Variants in PDGFA observed in about 807,000 individuals in gnomAD.
PDGFA encodes platelet-derived growth factor subunit A.
Under a neutral mutation model 25.6 loss-of-function variants are expected in PDGFA, and 9 were observed. That is an observed-to-expected ratio of 0.35 (90% CI 0.21 to 0.61). The LOEUF is 0.61. PDGFA is among the 20% of genes least tolerant of loss of function. PDGFA has a pLI of 0.75. For missense variants in PDGFA, 242 were observed against 272.8 expected, an observed-to-expected ratio of 0.89 and a Z score of 0.79; for synonymous variants, 133 against 111.8, an observed-to-expected ratio of 1.19 and a Z score of -1.20.
Position 502,768 on chromosome 7 carries a change from TCACA to T in PDGFA, c.454-1530_454-1527del, listed in dbSNP as rs71016866. Among the ~76,000 whole-genome samples the T allele has an allele frequency of 7.3e-3, 920 of 126,090 alleles. 9 individuals are homozygous for T. The highest frequency in any genetic ancestry group is 0.016 in the African/African-American group (541 of 33,716). The allele number at this position is 126,090 out of a possible 152,430, so 82.7% of individuals were successfully genotyped here. Reference sequence around the variant, plus strand: ...GGCATTCAACAAGAGAGGCAAGAAATCACACACACACACACACACACACACACAC... The same window carrying T: ...GGCATTCAACAAGAGAGGCAAGAAATCACACACACACACACACACACACAC... On this transcript the variant is annotated intron_variant, in intron 4 of 5. Transcript: ENST00000402802.
At chr7:502,911 C>CTG (rs1782412580) in intron 4 of PDGFA, among the ~76,000 whole-genome samples, 1 of 152,070 alleles carries the variant, frequency 6.6e-6, no homozygotes, top group South Asian at 2.1e-4. Flanking sequence ...AACTCCACCC[C>CTG]CCACCAGTCA....
rs1440158857 is a variant in PDGFA, at chr7:500,262, A to G, written c.580+854T>C. 6.6e-6 allele frequency among the ~76,000 whole-genome samples: 1 copy of G among 152,214 alleles called. No individual in the cohort carries two copies. Among genetic ancestry groups the G allele is most frequent in the Non-Finnish European group, 1.5e-5 (1 of 68,036 alleles). ...CACGGGCCAGGGCGTTCTGCGAGGC[A>G]GGAGCGGACGGGGAGCAAGGAGACC... On this transcript the variant is annotated intron_variant, in intron 5 of 5. Coordinates refer to ENST00000402802, the Ensembl canonical transcript of PDGFA. The surrounding 1 kb of genome is among the most constrained non-coding windows in gnomAD (Gnocchi z 5.0).
At chr7:516,632 G>A (rs774717941) in intron 2 of PDGFA, among the ~76,000 whole-genome samples, 58 of 152,258 alleles carry the variant, frequency 3.8e-4, no homozygotes, top group Non-Finnish European at 6.6e-4. Context: ...TGAGCGGGCG[G>A]GCGGCCACCC....
exon 1 of PDGFA, chr7:519,359 G>C (rs1783261550): frequency 3.9e-6 from 1 of 253,366 alleles, no homozygotes; most frequent in Non-Finnish European, 7.5e-6. Context: ...GCTGGCTTCA[G>C]GAGCGACCCG....
At chr7:509,613 C>T (rs1387667234) in intron 4 of PDGFA, among the ~76,000 whole-genome samples, 2 of 152,124 alleles carry the variant, frequency 1.3e-5, no homozygotes, top group African/African-American at 4.8e-5. Context: ...AGGGTAGAGG[C>T]TTCATGAATG....
chr7:519,916 C>CG (rs1783297702), upstream of PDGFA: 1 of 36,954 alleles, frequency 2.7e-5, no homozygotes, highest in Non-Finnish European at 1.0e-4. Context: ...CCGCCCCCGC[C>CG]CCCCCCCCCC....
intron 2 of PDGFA, among the ~76,000 whole-genome samples, chr7:515,253 AGCCCCTGCACTGTCCCCT>A (rs1783035884): frequency 6.6e-6 from 1 of 152,130 alleles, no homozygotes; most frequent in Non-Finnish European, 1.5e-5. Context: ...CTTCCTCATG[AGCCCCTGCACTGTCCCCT>A]GCCCCTAACA....
chr7:508,992 C>T (rs1782687158), intron 4 of PDGFA, among the ~76,000 whole-genome samples: 1 of 152,234 alleles, frequency 6.6e-6, no homozygotes, highest in Admixed American at 6.5e-5. Context: ...AAAATGAGGC[C>T]AGAGAGGCGC....
At chr7:505,940 G>A (rs750177334) in intron 4 of PDGFA, among the ~76,000 whole-genome samples, 7 of 152,160 alleles carry the variant, frequency 4.6e-5, no homozygotes, top group Admixed American at 6.5e-5. Flanking sequence ...TTGGGAGGTC[G>A]AGGCGGGCAG....
intron 4 of PDGFA, among the ~76,000 whole-genome samples, chr7:506,401 G>A (rs1782568859): frequency 6.6e-6 from 1 of 152,002 alleles, no homozygotes; most frequent in South Asian, 2.1e-4. Context: ...TGGCTCAAGA[G>A]GACCTCCACT....
intron 3 of PDGFA, 50 bp downstream of exon 3, chr7:512,301 A>T: frequency 6.6e-7 from 1 of 1,504,832 alleles, no homozygotes; most frequent in Non-Finnish European, 9.1e-7. Flanking sequence ...GGCCTCCTGG[A>T]CTCACCCTGA....
chr7:511,074 C>T (rs1782809371), intron 3 of PDGFA, 78 bp from the exon 4 acceptor site: 1 of 1,205,016 alleles, frequency 8.3e-7, no homozygotes, highest in South Asian at 1.4e-5. Context: ...GCGGCTCCAG[C>T]TGGGCCTGGG....
Position 517,389 on chromosome 7 carries a change from T to A in PDGFA, c.160+5A>T. ...CCGCGCGCGGAGGGAAGGGGCGCGA[T>A]TTACCTACGGAGTCTATCTCCAGGA... On this transcript the variant is annotated splice_donor_5th_base_variant and intron_variant, in intron 2 of 5. Transcript: ENST00000402802. The surrounding 1 kb of genome is among the most constrained non-coding windows in gnomAD (Gnocchi z 7.4). 1 of 1,341,868 alleles carries A rather than the reference T, an allele frequency of 7.5e-7. No homozygotes were observed. Among genetic ancestry groups the A allele is most frequent in the Non-Finnish European group, 9.8e-7 (1 of 1,022,752 alleles). 83.1% of individuals were successfully genotyped at this position (1,341,868 alleles called of 1,614,324 possible). A position where few individuals can be genotyped will look rare whatever the true frequency, so the allele number is the denominator to read the frequency against.
chr7:508,105 G>C (rs1308767635), intron 4 of PDGFA, among the ~76,000 whole-genome samples: 3 of 152,144 alleles, frequency 2.0e-5, no homozygotes, highest in Non-Finnish European at 2.9e-5. Context: ...GTGCCCGGTC[G>C]TGTGACGAGG....
intron 1 of PDGFA, 24 bp downstream of exon 1, chr7:518,915 A>C: frequency 6.7e-7 from 1 of 1,492,962 alleles, no homozygotes; most frequent in Non-Finnish European, 8.9e-7. Context: ...CGGCGCAGGG[A>C]CGGGGCGCGG....
chr7:501,303 T>C, intron 4 of PDGFA, 61 bp from the exon 5 acceptor site: 1 of 1,605,028 alleles, frequency 6.2e-7, no homozygotes, highest in Non-Finnish European at 8.5e-7. Flanking sequence ...CATCACGACG[T>C]GCTGGGAGCC....
At chr7:509,052 C>G (rs576638622) in intron 4 of PDGFA, among the ~76,000 whole-genome samples, 2 of 152,324 alleles carry the variant, frequency 1.3e-5, no homozygotes, top group African/African-American at 4.8e-5. Flanking sequence ...CTGCAGGTCT[C>G]TGGGCACACT....
Position 501,325 on chromosome 7 carries a change from G to A in PDGFA, c.454-83C>T. ...ACGTGCTGGGAGCCGGGGACAGGCTGAGAGGGAGGAGAGAGCAGCCTGACC... is the reference window on the plus strand; with the variant it reads ...ACGTGCTGGGAGCCGGGGACAGGCTAAGAGGGAGGAGAGAGCAGCCTGACC... On this transcript the variant is annotated intron_variant, in intron 4 of 5. Transcript: ENST00000402802. 5.8e-6 allele frequency: 9 copies of A among 1,554,898 alleles called. No homozygotes were observed. The Admixed American group carries it at 1.2e-4, about 20-fold the overall frequency.
exon 6 of PDGFA, chr7:497,987 A>AC (rs1782166202): frequency 1.4e-5 from 2 of 141,732 alleles, no homozygotes; most frequent in East Asian, 3.9e-4. Flanking sequence ...AACAAAAACA[A>AC]AAAAAAAAAC....
Sources: gnomAD v4.1 joint callset for allele counts (sites outside exome capture counted in the v4.1 genomes callset) on GRCh38, gnomAD v4.1.1 for gene constraint, Gnocchi (gnomAD v3.1) non-coding constraint, MANE v1.5 for transcripts, NCBI Gene and HGNC (gene_info 2026-07-23, HGNC 2026-07-21) for gene names.